CLEC16A: variants seen among roughly 807,000 people sequenced by gnomAD.
CLEC16A encodes C-type lectin domain containing 16A.
In CLEC16A, 51 loss-of-function variants were observed where a neutral mutation model predicts 109.5. The ratio of observed to expected loss-of-function variants is 0.47; its 90% CI spans 0.37 to 0.59. CLEC16A has a LOEUF of 0.59. CLEC16A is among the 20% of genes least tolerant of loss of function. The pLI is 0.00. For synonymous variants in CLEC16A, 673 were observed against 564.2 expected (o/e 1.19, Z -2.73); for missense variants, 1,339 against 1,394.0 (o/e 0.96, Z 0.63).
At chr16:11,047,054 A>G (rs779110110) in intron 16 of CLEC16A, among the ~76,000 whole-genome samples, 3 of 152,166 alleles carry the variant, frequency 2.0e-5, no homozygotes, top group Non-Finnish European at 4.4e-5. Flanking sequence ...GAAGAATTCT[A>G]ACTCCATATA....
intron 23 of CLEC16A, among the ~76,000 whole-genome samples, chr16:11,175,355 C>T (rs1417964154): frequency 1.3e-5 from 2 of 152,192 alleles, no homozygotes; most frequent in African/African-American, 4.8e-5. Context: ...CAGCCCGTGG[C>T]CAGGAAGTCA....
chr16:11,165,152 A>G (rs2068202993), intron 22 of CLEC16A, among the ~76,000 whole-genome samples: 1 of 152,152 alleles, frequency 6.6e-6, no homozygotes, highest in Non-Finnish European at 1.5e-5. Context: ...GTCCACCAGA[A>G]GAGGGGCTCC....
In CLEC16A at chr16:11,109,158, A is replaced by C. The variant is rs1481206840; in HGVS notation, c.2117-11457A>C. ...ACTGGGAGCAGGGGCCTTGATTCAA[A>C]ACAGCCCTGACTTTTTTTTTTTTAT... On this transcript the variant is annotated intron_variant, in intron 19 of 23. Transcript: ENST00000409790. Among the ~76,000 whole-genome samples, 3 of 148,866 alleles carry C rather than the reference A, an allele frequency of 2.0e-5. No individual in the cohort carries two copies. In the East Asian group the frequency reaches 5.9e-4, roughly 29 times the overall value.
At chr16:10,978,905 A>G (rs944407977) in intron 8 of CLEC16A, among the ~76,000 whole-genome samples, 1 of 152,134 alleles carries the variant, frequency 6.6e-6, no homozygotes, top group Non-Finnish European at 1.5e-5. Context: ...CTTGAAATTC[A>G]TTATAAACGA....
chr16:10,983,206 C>T (rs1420757930), intron 10 of CLEC16A, among the ~76,000 whole-genome samples: 1 of 152,178 alleles, frequency 6.6e-6, no homozygotes, highest in African/African-American at 2.4e-5. Context: ...ATTGTGTGTT[C>T]TTAAACATGG....
intron 22 of CLEC16A, among the ~76,000 whole-genome samples, chr16:11,154,622 C>A (rs1386725059): frequency 6.6e-6 from 1 of 152,170 alleles, no homozygotes; most frequent in East Asian, 1.9e-4. Flanking sequence ...TCTAAAGACA[C>A]TTACGAAAAT....
chr16:11,080,115 T>C (rs78288239), intron 19 of CLEC16A, among the ~76,000 whole-genome samples: 2 of 152,204 alleles, frequency 1.3e-5, no homozygotes, highest in Non-Finnish European at 2.9e-5. Flanking sequence ...CACTTGACTG[T>C]AGACAGGGAC....
rs1402792464 is a variant in CLEC16A at position 11,119,026 on chromosome 16, A to G, written c.2117-1589A>G. ...TTTCTTTTTGTTATTTTTTGAGACAAGGTCTTATTCTGTCACCCAGGCTGA... is the reference window on the plus strand; with the variant it reads ...TTTCTTTTTGTTATTTTTTGAGACAGGGTCTTATTCTGTCACCCAGGCTGA... On this transcript the variant is annotated intron_variant, in intron 19 of 23. Coordinates refer to ENST00000409790, the MANE Select transcript of CLEC16A (RefSeq NM_015226.3). Among the ~76,000 whole-genome samples the G allele has an allele frequency of 3.3e-5, 5 of 152,216 alleles. No homozygotes were observed. In the East Asian group the frequency reaches 9.6e-4, roughly 29 times the overall value.
intron 19 of CLEC16A, among the ~76,000 whole-genome samples, chr16:11,075,406 G>GTGTC (rs1233527095): frequency 1.5e-5 from 2 of 135,068 alleles, no homozygotes; most frequent in Non-Finnish European, 3.2e-5. Flanking sequence ...GTGTGTGTGT[G>GTGTC]TGTGTCTGTG....
At chr16:11,158,240 A>C (rs1043991874) in intron 22 of CLEC16A, among the ~76,000 whole-genome samples, 1 of 152,162 alleles carries the variant, frequency 6.6e-6, no homozygotes, top group Non-Finnish European at 1.5e-5. Flanking sequence ...TGAACACTGC[A>C]TCGTCAGAAA....
chr16:10,953,220 C>A (rs771944813), intron 1 of CLEC16A, among the ~76,000 whole-genome samples: 1 of 152,162 alleles, frequency 6.6e-6, no homozygotes, highest in Non-Finnish European at 1.5e-5. Flanking sequence ...CAGAATGAGA[C>A]CCACATGGGT....
chr16:11,081,989 A>G (rs1393708454), intron 19 of CLEC16A, among the ~76,000 whole-genome samples: 2 of 152,168 alleles, frequency 1.3e-5, no homozygotes, highest in South Asian at 4.1e-4. Flanking sequence ...CCAAGATGGC[A>G]CTACTGCACT....
At chr16:11,064,702 G>A (rs758705826) in intron 19 of CLEC16A, among the ~76,000 whole-genome samples, 1 of 152,130 alleles carries the variant, frequency 6.6e-6, no homozygotes, top group African/African-American at 2.4e-5. Context: ...TCTTGAACCC[G>A]GGAAGTTGAG....
At chr16:10,978,662 A>T (rs1408813191) in intron 8 of CLEC16A, among the ~76,000 whole-genome samples, 1 of 152,028 alleles carries the variant, frequency 6.6e-6, no homozygotes, top group Non-Finnish European at 1.5e-5. Flanking sequence ...ACAGAGACAG[A>T]GTGTGTGTGT....
chr16:11,002,137 A>G (rs996716945), intron 10 of CLEC16A, among the ~76,000 whole-genome samples: 1 of 152,206 alleles, frequency 6.6e-6, no homozygotes, highest in African/African-American at 2.4e-5. Context: ...GACCTCGGGC[A>G]GATCCTTTTC....
chr16:11,097,739 C>T (rs1017410396), intron 19 of CLEC16A, among the ~76,000 whole-genome samples: 2 of 152,180 alleles, frequency 1.3e-5, no homozygotes, highest in Non-Finnish European at 2.9e-5. Context: ...TGGCCTGAAA[C>T]GTCTTGCCCC....
At chr16:11,171,372 G>A (rs2068505782) in intron 23 of CLEC16A, among the ~76,000 whole-genome samples, 1 of 152,180 alleles carries the variant, frequency 6.6e-6, no homozygotes, top group Non-Finnish European at 1.5e-5. Context: ...CAGACCAAAG[G>A]GAGAGTCAAC....
chr16:11,074,686 T>C (rs2049252263), intron 19 of CLEC16A, among the ~76,000 whole-genome samples: 1 of 152,204 alleles, frequency 6.6e-6, no homozygotes, highest in African/African-American at 2.4e-5. Context: ...GATCACAAGG[T>C]CACCTAATGA....
In CLEC16A at chr16:11,024,917, T is replaced by C. The variant is rs2046325834; in HGVS notation, c.1533T>C (p.Asn511=). 6.2e-7 allele frequency: 1 copy of C among 1,604,748 alleles called. No homozygotes were observed. The highest frequency in any genetic ancestry group is 1.3e-5 in the African/African-American group (1 of 74,774). ...VLCLLYAMSH[N]KGMDPEKLER... ...GCCTCCTCTATGCCATGTCTCATAA[T>C]AAAGGTAAGCACCCTTGCCTTGCCT... Residue 511 remains asparagine, a synonymous_variant, in exon 13 of 24, where the codon AAT becomes AAC. Transcript: ENST00000409790.
Sources: gnomAD v4.1 joint callset for allele counts (sites outside exome capture counted in the v4.1 genomes callset) on GRCh38, gnomAD v4.1.1 for gene constraint, MANE v1.5 for transcripts, NCBI Gene and HGNC (gene_info 2026-07-23, HGNC 2026-07-21) for gene names.